CTNNA3: variants seen among roughly 807,000 people sequenced by gnomAD.
CTNNA3 encodes catenin alpha-3.
In CTNNA3, 76 loss-of-function variants were observed where a neutral mutation model predicts 95.7. That is an observed-to-expected ratio of 0.79 (90% CI 0.66 to 0.96). CTNNA3 has a LOEUF of 0.96. Among genes scored for constraint, CTNNA3 ranks in the 40% least tolerant of loss-of-function variants. The pLI is 0.00. For synonymous variants in CTNNA3, 431 were observed against 374.4 expected, an observed-to-expected ratio of 1.15 and a Z score of -1.74; for missense variants, 1,191 against 1,089.8, an observed-to-expected ratio of 1.09 and a Z score of -1.31.
intron 7 of CTNNA3, among the ~76,000 whole-genome samples, chr10:67,134,920 C>T (rs1860219806): frequency 6.6e-6 from 1 of 151,942 alleles, no homozygotes; most frequent in Non-Finnish European, 1.5e-5. Flanking sequence ...AGTGATTGCC[C>T]ACTACCACCG....
chr10:67,521,028 AT>A (rs1839967286), intron 5 of CTNNA3, among the ~76,000 whole-genome samples: 1 of 152,230 alleles, frequency 6.6e-6, no homozygotes, highest in African/African-American at 2.4e-5. Flanking sequence ...CATGGAGCAC[AT>A]TACCGAATTT....
At chr10:66,364,341 G>C (rs1184345529) in intron 12 of CTNNA3, among the ~76,000 whole-genome samples, 2 of 151,930 alleles carry the variant, frequency 1.3e-5, no homozygotes, top group Non-Finnish European at 2.9e-5. Context: ...CCAGGAGTTT[G>C]AGACCAACTT....
chr10:66,390,486 A>G (rs1430576874), intron 11 of CTNNA3, among the ~76,000 whole-genome samples: 1 of 152,164 alleles, frequency 6.6e-6, no homozygotes, highest in Non-Finnish European at 1.5e-5. Flanking sequence ...TAAATTGTCA[A>G]GATTAATTCT....
intron 15 of CTNNA3, among the ~76,000 whole-genome samples, chr10:66,043,878 A>G (rs1222287325): frequency 2.0e-5 from 3 of 151,770 alleles, no homozygotes; most frequent in African/African-American, 4.8e-5. Context: ...TTCTAATATT[A>G]TTTTGTAGGA....
At chr10:67,177,677 T>C (rs1051187039) in intron 7 of CTNNA3, among the ~76,000 whole-genome samples, 1 of 152,128 alleles carries the variant, frequency 6.6e-6, no homozygotes, top group African/African-American at 2.4e-5. Context: ...TCCAGAAAAA[T>C]GCATTCCCTT....
At chr10:66,055,904 A>C (rs1001287467) in intron 15 of CTNNA3, among the ~76,000 whole-genome samples, 6 of 142,796 alleles carry the variant, frequency 4.2e-5, no homozygotes, top group African/African-American at 1.6e-4. Context: ...CCTGGGCGAC[A>C]GAGCGAGACT....
At chr10:66,079,688 C>T (rs1273973731) in intron 14 of CTNNA3, among the ~76,000 whole-genome samples, 1 of 151,456 alleles carries the variant, frequency 6.6e-6, no homozygotes, top group African/African-American at 2.4e-5. Context: ...ATAAATTATG[C>T]TTACATATGT....
chr10:66,395,530 A>C (rs552561090), intron 11 of CTNNA3, among the ~76,000 whole-genome samples: 1 of 152,056 alleles, frequency 6.6e-6, no homozygotes, highest in Non-Finnish European at 1.5e-5. Flanking sequence ...AAAAAATACA[A>C]GGCAAAAAGA....
chr10:66,546,729 C>A (rs999916986), intron 10 of CTNNA3, among the ~76,000 whole-genome samples: 11 of 152,054 alleles, frequency 7.2e-5, no homozygotes, highest in Admixed American at 2.0e-4. Context: ...GGGAAGCCAC[C>A]CTCATGATAC....
intron 7 of CTNNA3, among the ~76,000 whole-genome samples, chr10:67,093,576 GT>G (rs1212303998): frequency 8.6e-5 from 13 of 151,790 alleles, no homozygotes; most frequent in Non-Finnish European, 8.8e-5. Flanking sequence ...AAACAGATTT[GT>G]TTTTTTAATG....
intron 14 of CTNNA3, among the ~76,000 whole-genome samples, chr10:66,094,153 T>C (rs949369233): frequency 9.9e-5 from 15 of 152,040 alleles, no homozygotes; most frequent in Non-Finnish European, 1.5e-5. Flanking sequence ...GAGCAGATAC[T>C]AGTAAAGGGA....
At chr10:65,989,742 G>T (rs1310542227) in intron 15 of CTNNA3, among the ~76,000 whole-genome samples, 1 of 151,982 alleles carries the variant, frequency 6.6e-6, no homozygotes, top group Non-Finnish European at 1.5e-5. Context: ...TTCTCTTCTA[G>T]CTATTTTGAA....
At chr10:67,049,740 T>C (rs922696373) in intron 7 of CTNNA3, among the ~76,000 whole-genome samples, 5 of 152,188 alleles carry the variant, frequency 3.3e-5, no homozygotes, top group Non-Finnish European at 7.4e-5. Context: ...CCTCAGTCTA[T>C]ACACAAAAAT....
chr10:66,421,834 C>CAAAAAA (rs35845509), intron 11 of CTNNA3, among the ~76,000 whole-genome samples: 2 of 81,516 alleles, frequency 2.5e-5, no homozygotes, highest in African/African-American at 4.3e-5. Context: ...GACTCTGTCT[C>CAAAAAA]AAAAAAAAAA....
chr10:66,779,347 T>TCC (rs1358434065), intron 7 of CTNNA3, among the ~76,000 whole-genome samples: 20 of 18,812 alleles, frequency 1.1e-3, no homozygotes, highest in African/African-American at 3.4e-3. Flanking sequence ...CCTTCTTTCT[T>TCC]TTCTTTCTTT....
chr10:66,029,229 A>G (rs1384143277), intron 15 of CTNNA3, among the ~76,000 whole-genome samples: 1 of 152,122 alleles, frequency 6.6e-6, no homozygotes, highest in African/African-American at 2.4e-5. Flanking sequence ...TATAGGAGTA[A>G]CCCTTTAAAA....
chr10:67,194,588 A>G (rs1054719590), intron 6 of CTNNA3, among the ~76,000 whole-genome samples: 6 of 152,042 alleles, frequency 3.9e-5, no homozygotes, highest in African/African-American at 1.4e-4. Flanking sequence ...CAGGCAGAGA[A>G]CAGAGGATTT....
intron 7 of CTNNA3, among the ~76,000 whole-genome samples, chr10:67,086,715 C>G (rs561299659): frequency 3.9e-5 from 6 of 152,032 alleles, no homozygotes; most frequent in Non-Finnish European, 7.4e-5. Flanking sequence ...TATATAGAGC[C>G]TCTCTGTGAG....
At chr10:67,631,310 A>C (rs1158302948) in intron 2 of CTNNA3, among the ~76,000 whole-genome samples, 1 of 152,238 alleles carries the variant, frequency 6.6e-6, no homozygotes, top group South Asian at 2.1e-4. Context: ...AGAGAAAAAA[A>C]AAATACATTA....
Sources: allele counts gnomAD v4.1 joint callset (sites outside exome capture counted in the v4.1 genomes callset), GRCh38; gene constraint gnomAD v4.1.1; transcripts MANE v1.5; gene names NCBI Gene and HGNC (gene_info 2026-07-23, HGNC 2026-07-21).